The following AASS variants were observed in gnomAD, a reference collection of about 807,000 sequenced individuals.
The protein encoded by AASS is aminoadipate-semialdehyde synthase.
Under a neutral mutation model 105.4 loss-of-function variants are expected in AASS, and 86 were observed. The ratio of observed to expected loss-of-function variants is 0.82; its 90% CI spans 0.69 to 0.98. AASS has a LOEUF of 0.98. Ranked by LOEUF, AASS falls within the 50% of genes least tolerant of loss-of-function variation. The pLI is 0.00. For synonymous variants in AASS, 381 were observed against 394.8 expected, an observed-to-expected ratio of 0.96 and a Z score of 0.41; for missense variants, 1,048 against 1,143.2, an observed-to-expected ratio of 0.92 and a Z score of 1.20.
At chr7:122,123,210 C>T (rs1011177638) in intron 4 of AASS, among the ~76,000 whole-genome samples, 1 of 152,206 alleles carries the variant, frequency 6.6e-6, no homozygotes, top group Non-Finnish European at 1.5e-5. Flanking sequence ...CATAGCTCCT[C>T]ACTGTTTGGT....
At chr7:122,098,601 T>C in intron 14 of AASS, 25 bp from the exon 15 acceptor site, 1 of 1,601,958 alleles carries the variant, frequency 6.2e-7, no homozygotes, top group Non-Finnish European at 8.5e-7. Flanking sequence ...AAAAGTCACA[T>C]TTTTAGATAT....
chr7:122,113,937 AAAAG>A (rs1194903643), intron 9 of AASS, among the ~76,000 whole-genome samples: 35 of 150,998 alleles, frequency 2.3e-4, no homozygotes, highest in South Asian at 4.2e-4. Flanking sequence ...AAAAAAAAAA[AAAAG>A]AAAGAAAGAA....
Position 122,086,015 on chromosome 7 carries a change from A to T in AASS, c.2181T>A (p.Tyr727Ter). The change falls in exon 19 of 24, where the codon TAT becomes TAA. Residue 727 changes from tyrosine (Y) to a stop codon, truncating the protein, a stop_gained. Coordinates refer to ENST00000417368, the MANE Select transcript of AASS (RefSeq NM_005763.4). LOFTEE classifies it high-confidence loss of function. The part of the protein sequence containing the change: ...AHTLLRGTLR[Y>*]KGYMKALNGF... ...AATCTAAAGTCCAGCTGCTTACCTT[A>T]TATCTCAGTGTCCCCCGCAACAAAG... is the stretch of plus-strand genomic sequence containing the variant. 6.2e-7 allele frequency: 1 copy of T among 1,613,472 alleles called. No individual in the cohort carries two copies. The highest frequency in any genetic ancestry group is 8.5e-7 in the Non-Finnish European group (1 of 1,179,590).
At chr7:122,112,732 A>G (rs968403991) in intron 11 of AASS, among the ~76,000 whole-genome samples, 1 of 152,216 alleles carries the variant, frequency 6.6e-6, no homozygotes, top group African/African-American at 2.4e-5. Context: ...CCAGAACCCA[A>G]TAAAAATGTT....
chr7:122,083,865 A>G (rs1793497029), intron 19 of AASS, among the ~76,000 whole-genome samples: 1 of 152,058 alleles, frequency 6.6e-6, no homozygotes, highest in Admixed American at 6.6e-5. Context: ...CCAATACTGG[A>G]AAGAATTTTA....
intron 2 of AASS, among the ~76,000 whole-genome samples, chr7:122,132,093 C>T (rs1433283685): frequency 6.6e-6 from 1 of 152,164 alleles, no homozygotes; most frequent in African/African-American, 2.4e-5. Context: ...AAACAGTTCA[C>T]AACTCATCTT....
intron 22 of AASS, among the ~76,000 whole-genome samples, chr7:122,078,570 C>T (rs181771723): frequency 2.6e-5 from 4 of 152,232 alleles, no homozygotes; most frequent in Admixed American, 2.6e-4. Context: ...GAGATGGAGC[C>T]ACTGCACTCC....
intron 1 of AASS, among the ~76,000 whole-genome samples, chr7:122,138,368 T>C (rs949070230): frequency 6.6e-6 from 1 of 152,150 alleles, no homozygotes. Context: ...TACATACCTA[T>C]GATATAGTTT....
chr7:122,083,557 T>G, intron 19 of AASS, among the ~76,000 whole-genome samples: 1 of 152,148 alleles, frequency 6.6e-6, no homozygotes, highest in East Asian at 1.9e-4. Context: ...AAGGGTCAGA[T>G]AAGTCAAGCA....
At chr7:122,103,133 T>C (rs1173094711) in intron 11 of AASS, among the ~76,000 whole-genome samples, 1 of 151,942 alleles carries the variant, frequency 6.6e-6, no homozygotes, top group African/African-American at 2.4e-5. Context: ...CTCAACAATC[T>C]CCAAACAGAG....
intron 11 of AASS, among the ~76,000 whole-genome samples, chr7:122,108,148 C>T (rs754731230): frequency 2.0e-5 from 3 of 151,856 alleles, no homozygotes; most frequent in Admixed American, 6.6e-5. Flanking sequence ...ATAGGCGAAT[C>T]GATAACAAGC....
intron 9 of AASS, among the ~76,000 whole-genome samples, chr7:122,114,115 C>T (rs925926521): frequency 2.0e-5 from 3 of 152,136 alleles, no homozygotes; most frequent in Admixed American, 1.3e-4. Flanking sequence ...ACATAAATCT[C>T]TAGAATTACG....
rs749744305 is a variant in AASS at position 122,116,614 on chromosome 7, A to C, written c.894+19T>G. On this transcript the variant is annotated intron_variant, in intron 8 of 23. Coordinates refer to ENST00000417368, the MANE Select transcript of AASS (RefSeq NM_005763.4). Reference sequence around the variant, plus strand: ...CTGTATCATAAGCAACCAACTTAAAAGGTGAATATGATACTCACATCAGTA... The same window carrying C: ...CTGTATCATAAGCAACCAACTTAAACGGTGAATATGATACTCACATCAGTA... 1.2e-5 allele frequency: 20 copies of C among 1,613,746 alleles called. No homozygotes were observed. Among genetic ancestry groups the C allele is most frequent in the Non-Finnish European group, 1.7e-5 (20 of 1,179,900 alleles).
At position 122,076,252 on chromosome 7, in the gene AASS, C is replaced by G; in HGVS notation, c.*237G>C. 1 of 453,424 alleles carries G rather than the reference C, an allele frequency of 2.2e-6. No individual in the cohort carries two copies. Among genetic ancestry groups the G allele is most frequent in the Non-Finnish European group, 3.9e-6 (1 of 253,866 alleles). 28.1% of individuals were successfully genotyped at this position (453,424 alleles called of 1,614,324 possible). A position where few individuals can be genotyped will look rare whatever the true frequency, so the allele number is the denominator to read the frequency against. ...TAACAAATAGCATGATCATCACTTT[C>G]ACATACGTATTTATAAAATACAGGG... On this transcript the variant is annotated 3_prime_UTR_variant, in exon 24 of 24. Coordinates refer to ENST00000417368, the MANE Select transcript of AASS (RefSeq NM_005763.4).
chr7:122,097,836 A>G (rs1794238256), intron 15 of AASS, among the ~76,000 whole-genome samples: 2 of 152,056 alleles, frequency 1.3e-5, no homozygotes, highest in South Asian at 2.1e-4. Context: ...TACATACCCA[A>G]CAGAAATGTA....
Position 122,091,783 on chromosome 7 carries a change from A to G in AASS, c.1936T>C (p.Leu646=). 1 of 1,605,142 alleles carries G rather than the reference A, an allele frequency of 6.2e-7. No homozygotes were observed. Among genetic ancestry groups the G allele is most frequent in the Non-Finnish European group, 8.5e-7 (1 of 1,174,846 alleles). Residue 646 remains leucine (L), a synonymous_variant, in exon 18 of 24, where the codon TTG becomes CTG. Transcript: ENST00000417368. ...LPAPEHSNNP[L]RYKFSWSPVG... The stretch of plus-strand genomic sequence containing the variant: ...GGACTCCAGCTAAATTTATATCTCA[A>G]TGGATTGTTTGAATGTTCAGGGGCT...
chr7:122,079,356 G>A (rs925202441), intron 21 of AASS: 2 of 1,376,432 alleles, frequency 1.5e-6, no homozygotes, highest in Admixed American at 3.0e-5. Flanking sequence ...ACCCCACTAT[G>A]CTTGGGAACT....
At chr7:122,128,816 T>G (rs1415486146) in intron 3 of AASS, among the ~76,000 whole-genome samples, 3 of 152,164 alleles carry the variant, frequency 2.0e-5, no homozygotes, top group Non-Finnish European at 4.4e-5. Context: ...CGGTGGCTCA[T>G]GCCTGTAATC....
chr7:122,075,120 T>C lies in AASS; in HGVS notation c.*1369A>G, dbSNP rs1028950392. The stretch of plus-strand genomic sequence containing the variant: ...GTCTCCTGGCCTCTAGCAGTCTTTC[T>C]GCCTCAGACTCCCAAAGTGTTGGGA... On this transcript the variant is annotated 3_prime_UTR_variant, in exon 24 of 24. Coordinates refer to ENST00000417368, the MANE Select transcript of AASS (RefSeq NM_005763.4). 6.6e-6 allele frequency among the ~76,000 whole-genome samples: 1 copy of C among 152,218 alleles called. No homozygotes were observed. The highest frequency in any genetic ancestry group is 1.5e-5 in the Non-Finnish European group (1 of 68,036).
Sources: gnomAD v4.1 joint callset for allele counts (sites outside exome capture counted in the v4.1 genomes callset) on GRCh38, gnomAD v4.1.1 for gene constraint, MANE v1.5 for transcripts, NCBI Gene and HGNC (gene_info 2026-07-23, HGNC 2026-07-21) for gene names.